The following ZFHX4 variants were observed in gnomAD, a reference collection of about 807,000 sequenced individuals.
ZFHX4 encodes the protein zinc finger homeobox protein 4.
ZFHX4 carries 56 observed loss-of-function variants against 267.6 expected under a neutral mutation model. That is an observed-to-expected ratio of 0.21 (90% CI 0.17 to 0.26). The LOEUF (loss-of-function observed/expected upper bound fraction) is 0.26, where lower values mean the gene tolerates loss of function less well. ZFHX4 is among the 10% of genes least tolerant of loss of function. ZFHX4 has a pLI of 1.00. For synonymous variants in ZFHX4, 1,778 were observed against 1,665.6 expected (o/e 1.07, Z -1.64); for missense variants, 4,332 against 4,420.0 (o/e 0.98, Z 0.56).
intron 5 of ZFHX4, among the ~76,000 whole-genome samples, chr8:76,838,673 A>C (rs1360653887): frequency 1.3e-5 from 2 of 152,306 alleles, no homozygotes; most frequent in Admixed American, 6.5e-5. Flanking sequence ...TCCTCTTTAT[A>C]TGATCACTTC....
chr8:76,760,417 A>C (rs1203965181), intron 3 of ZFHX4, among the ~76,000 whole-genome samples: 1 of 152,220 alleles, frequency 6.6e-6, no homozygotes, highest in Non-Finnish European at 1.5e-5. Context: ...AGGGTCGAAC[A>C]GACAGACTTA....
chr8:76,813,116 TA>T (rs1463233415), intron 4 of ZFHX4, among the ~76,000 whole-genome samples: 1 of 152,156 alleles, frequency 6.6e-6, no homozygotes, highest in African/African-American at 2.4e-5. Flanking sequence ...TGTTTCTTTA[TA>T]ATCTTTTTAA....
intron 1 of ZFHX4, among the ~76,000 whole-genome samples, chr8:76,695,974 A>G (rs1471807649): frequency 6.6e-6 from 1 of 152,194 alleles, no homozygotes; most frequent in East Asian, 1.9e-4. Flanking sequence ...CTCTTATTGC[A>G]TTGAAGAAGA....
chr8:76,762,943 A>C (rs1809955308), intron 3 of ZFHX4, among the ~76,000 whole-genome samples: 1 of 152,236 alleles, frequency 6.6e-6, no homozygotes, highest in Non-Finnish European at 1.5e-5. Flanking sequence ...TTCTCTAGAA[A>C]TACCAACACA....
chr8:76,854,435 T>C lies in ZFHX4; in HGVS notation c.7514T>C (p.Leu2505Pro). Residue 2505 changes from leucine (L) to proline (P), a missense_variant, in exon 10 of 11, where the codon CTG becomes CCG. By Grantham distance (98) the Leu-to-Pro change is moderately conservative. This residue lies in a region of ZFHX4 where 1,648 missense variants were observed against 1,625.0 expected (regional missense o/e 1.01). Transcript: ENST00000651372. ...CDQCTVAFPT[L>P]ELWQEHQHMH... ...CAGTGTACAGTTGCCTTCCCAACTC[T>C]GGAACTCTGGCAGGAACACCAGCAC... 6.2e-7 allele frequency: 1 copy of C among 1,614,022 alleles called. No individual in the cohort carries two copies. The highest frequency in any genetic ancestry group is 8.5e-7 in the Non-Finnish European group (1 of 1,179,892).
At chr8:76,789,529 G>A (rs549207742) in intron 4 of ZFHX4, among the ~76,000 whole-genome samples, 3 of 152,258 alleles carry the variant, frequency 2.0e-5, no homozygotes, top group African/African-American at 4.8e-5. Flanking sequence ...AGTACATTTA[G>A]CATTTAACCA....
At chr8:76,795,142 A>T (rs1192750487) in intron 4 of ZFHX4, among the ~76,000 whole-genome samples, 1 of 152,232 alleles carries the variant, frequency 6.6e-6, no homozygotes, top group Non-Finnish European at 1.5e-5. Context: ...GTAACAGAAG[A>T]ACAAATGATT....
intron 1 of ZFHX4, chr8:76,703,670 T>C (rs527727491): frequency 1.9e-5 from 3 of 160,530 alleles, no homozygotes; most frequent in Admixed American, 6.1e-5. Context: ...TTCCAGCTGC[T>C]GTATACAAAA....
intron 4 of ZFHX4, among the ~76,000 whole-genome samples, chr8:76,830,100 T>G (rs1180318590): frequency 6.6e-6 from 1 of 152,126 alleles, no homozygotes; most frequent in Non-Finnish European, 1.5e-5. Context: ...TTGCTATGGG[T>G]GTCATAATGC....
At chr8:76,722,759 A>G (rs1324342354) in intron 3 of ZFHX4, among the ~76,000 whole-genome samples, 1 of 152,010 alleles carries the variant, frequency 6.6e-6, no homozygotes, top group African/African-American at 2.4e-5. Flanking sequence ...ATGTGTGGAA[A>G]ATATTACTCA....
At chr8:76,709,492 C>G (rs1175440552) in intron 3 of ZFHX4, among the ~76,000 whole-genome samples, 1 of 152,022 alleles carries the variant, frequency 6.6e-6, no homozygotes, top group African/African-American at 2.4e-5. Context: ...TCTGTTGATA[C>G]CTGGCCTATT....
At chr8:76,726,157 T>G (rs557957392) in intron 3 of ZFHX4, among the ~76,000 whole-genome samples, 23 of 152,296 alleles carry the variant, frequency 1.5e-4, no homozygotes, top group Admixed American at 1.4e-3. Context: ...TAAATAAGTT[T>G]TTTTTTTGGA....
In ZFHX4 at chr8:76,864,287, T is replaced by A; in HGVS notation, c.10573T>A (p.Ser3525Thr). The part of the protein sequence containing the change: ...YPHLSCFSMK[S>T]WPNILFQASA... ...TCATCTTTCTTGCTTCTCCATGAAG[T>A]CCTGGCCTAATATCCTTTTCCAAGC... Residue 3525 changes from serine to threonine, a missense_variant, in exon 11 of 11, where the codon TCC (serine) becomes ACC (threonine). Ser to Thr is a moderately conservative substitution (Grantham distance 58). This residue lies in a region of ZFHX4 where 1,648 missense variants were observed against 1,625.0 expected (regional missense o/e 1.01). Coordinates refer to ENST00000651372, the MANE Select transcript of ZFHX4 (RefSeq NM_024721.5). 6.2e-7 allele frequency: 1 copy of A among 1,613,942 alleles called. No individual in the cohort carries two copies. The highest frequency in any genetic ancestry group is 1.1e-5 in the South Asian group (1 of 91,086).
At chr8:76,784,766 T>A in intron 4 of ZFHX4, among the ~76,000 whole-genome samples, 1 of 152,122 alleles carries the variant, frequency 6.6e-6, no homozygotes, top group East Asian at 1.9e-4. Flanking sequence ...AAAATTTTTT[T>A]AAAACTCAAG....
chr8:76,839,991 T>C (rs1179038340), intron 5 of ZFHX4, among the ~76,000 whole-genome samples: 1 of 152,210 alleles, frequency 6.6e-6, no homozygotes, highest in Non-Finnish European at 1.5e-5. Flanking sequence ...AGTGCCCTTT[T>C]ATTCTGACTT....
intron 7 of ZFHX4, 71 bp downstream of exon 7, chr8:76,849,199 A>C: frequency 6.9e-7 from 1 of 1,458,690 alleles, no homozygotes; most frequent in Non-Finnish European, 9.1e-7. Context: ...TTAAAGCCCC[A>C]AATGATTCCA....
intron 3 of ZFHX4, among the ~76,000 whole-genome samples, chr8:76,758,295 T>C (rs1809817011): frequency 6.6e-6 from 1 of 152,038 alleles, no homozygotes; most frequent in Non-Finnish European, 1.5e-5. Context: ...GAAAGGTACA[T>C]GAAAAATTAC....
At position 76,854,277 on chromosome 8, in the gene ZFHX4, A is replaced by G. The variant is rs745961605; in HGVS notation, c.7356A>G (p.Pro2452=). ...CCCAGCCACAGCCACAGCCACAGCC[A>G]CCAAAACAACCCCAACTTATCGGAA... ...STAQPQPQPQ[P]PKQPQLIGRP... Residue 2452 remains proline, a synonymous_variant, in exon 10 of 11, where the codon CCA becomes CCG. Transcript: ENST00000651372. 4 of 1,592,390 alleles carry G rather than the reference A, an allele frequency of 2.5e-6. No homozygotes were observed. Among genetic ancestry groups the G allele is most frequent in the Non-Finnish European group, 3.4e-6 (4 of 1,169,250 alleles).
chr8:76,831,179 T>C (rs917364904), intron 4 of ZFHX4, among the ~76,000 whole-genome samples: 17 of 152,326 alleles, frequency 1.1e-4, no homozygotes, highest in African/African-American at 3.1e-4. Context: ...GGCAGAGATA[T>C]GAACTCAATA....
Sources: allele counts gnomAD v4.1 joint callset (sites outside exome capture counted in the v4.1 genomes callset), GRCh38; gene constraint gnomAD v4.1.1; regional missense constraint gnomAD v4.1.1; transcripts MANE v1.5; gene names NCBI Gene and HGNC (gene_info 2026-07-23, HGNC 2026-07-21).